Variants in UNC5C observed in about 807,000 individuals in gnomAD.
The protein encoded by UNC5C is netrin receptor UNC5C.
Under a neutral mutation model 99.8 loss-of-function variants are expected in UNC5C, and 47 were observed. The observed-to-expected ratio is 0.47, with a 90% CI of 0.37 to 0.60. The LOEUF is 0.60. UNC5C is among the 20% of genes least tolerant of loss of function. UNC5C has a pLI of 0.00. For synonymous variants in UNC5C, 487 were observed against 452.2 expected, an observed-to-expected ratio of 1.08 and a Z score of -0.98; for missense variants, 1,062 against 1,165.9, an observed-to-expected ratio of 0.91 and a Z score of 1.30.
chr4:95,484,441 C>T (rs187129658), intron 1 of UNC5C, among the ~76,000 whole-genome samples: 138 of 151,628 alleles, frequency 9.1e-4, no homozygotes, highest in African/African-American at 2.2e-3. Flanking sequence ...GGTATGCTTC[C>T]CAACCACTGT....
Position 95,374,332 on chromosome 4 carries a change from A to G in UNC5C, c.125-38701T>C, listed in dbSNP as rs1744832334. On this transcript the variant is annotated intron_variant, in intron 1 of 15. Transcript: ENST00000453304. Reference sequence around the variant, plus strand: ...TGACAAATATATCTTCTAGAGATATATTATAAAGCTAAGTTCCAAATTATC... The same window carrying G: ...TGACAAATATATCTTCTAGAGATATGTTATAAAGCTAAGTTCCAAATTATC... 2.0e-5 allele frequency among the ~76,000 whole-genome samples: 3 copies of G among 152,166 alleles called. No homozygotes were observed. The South Asian group carries it at 6.2e-4, about 32-fold the overall frequency.
intron 1 of UNC5C, among the ~76,000 whole-genome samples, chr4:95,422,301 A>T (rs1746342361): frequency 6.6e-6 from 1 of 152,344 alleles, no homozygotes; most frequent in East Asian, 1.9e-4. Flanking sequence ...GAAGGAAAAG[A>T]GTAGGCTGTA....
intron 2 of UNC5C, among the ~76,000 whole-genome samples, chr4:95,308,650 G>A (rs984125189): frequency 1.1e-4 from 16 of 150,620 alleles, no homozygotes; most frequent in Non-Finnish European, 1.9e-4. Context: ...CTGCTTGGGA[G>A]GCTGAGGCAG....
intron 1 of UNC5C, among the ~76,000 whole-genome samples, chr4:95,400,163 A>G (rs1310554892): frequency 6.6e-6 from 1 of 152,156 alleles, no homozygotes; most frequent in Non-Finnish European, 1.5e-5. Context: ...TGCGTGCAGA[A>G]GGAGCCTGTG....
At chr4:95,351,925 T>G (rs1013297991) in intron 1 of UNC5C, among the ~76,000 whole-genome samples, 3 of 152,088 alleles carry the variant, frequency 2.0e-5, no homozygotes, top group Admixed American at 6.6e-5. Context: ...GCAAACTTCC[T>G]CCTCTTTGGG....
chr4:95,479,093 A>G (rs1578185598), intron 1 of UNC5C, among the ~76,000 whole-genome samples: 1 of 151,918 alleles, frequency 6.6e-6, no homozygotes, highest in African/African-American at 2.4e-5. Flanking sequence ...CTTATAAATT[A>G]CCCAGCCTCA....
intron 1 of UNC5C, among the ~76,000 whole-genome samples, chr4:95,351,386 C>T (rs554368052): frequency 6.6e-6 from 1 of 150,744 alleles, no homozygotes; most frequent in African/African-American, 2.4e-5. Context: ...TAAGATAAGA[C>T]AGAAGTTTAT....
At chr4:95,392,251 T>C (rs1745383534) in intron 1 of UNC5C, among the ~76,000 whole-genome samples, 1 of 152,144 alleles carries the variant, frequency 6.6e-6, no homozygotes, top group South Asian at 2.1e-4. Context: ...TGAGTAATTA[T>C]ATAGTTATTT....
At chr4:95,453,917 G>A (rs1747356332) in intron 1 of UNC5C, among the ~76,000 whole-genome samples, 1 of 152,042 alleles carries the variant, frequency 6.6e-6, no homozygotes. Flanking sequence ...TTTGTAATTT[G>A]TACATATTTA....
At chr4:95,507,857 T>C (rs1339972830) in intron 1 of UNC5C, among the ~76,000 whole-genome samples, 1 of 152,064 alleles carries the variant, frequency 6.6e-6, no homozygotes, top group Non-Finnish European at 1.5e-5. Flanking sequence ...TTGTTGTTAA[T>C]GCTACCATCA....
At chr4:95,280,849 C>T (rs1741030807) in intron 3 of UNC5C, among the ~76,000 whole-genome samples, 1 of 152,036 alleles carries the variant, frequency 6.6e-6, no homozygotes, top group African/African-American at 2.4e-5. Flanking sequence ...GCCTTAGAAC[C>T]TGCTGATACG....
chr4:95,347,200 T>A (rs997849155), intron 1 of UNC5C, among the ~76,000 whole-genome samples: 1 of 151,662 alleles, frequency 6.6e-6, no homozygotes, highest in Non-Finnish European at 1.5e-5. Context: ...TAGGCATTAA[T>A]TAAAGAAGTG....
chr4:95,307,318 G>T (rs1279178777), intron 2 of UNC5C, among the ~76,000 whole-genome samples: 1 of 151,974 alleles, frequency 6.6e-6, no homozygotes, highest in Non-Finnish European at 1.5e-5. Flanking sequence ...TATGCAAGTG[G>T]GAATTGCAAC....
rs116629607 is a variant in UNC5C, at chr4:95,548,970, T to C, written c.-113A>G. On this transcript the variant is annotated 5_prime_UTR_variant, in exon 1 of 16. Coordinates refer to ENST00000453304, the MANE Select transcript of UNC5C (RefSeq NM_003728.4). ...TGCACCGCGAAGCAGTCCGAAGAAATAACGACAACCAAGCGCCACACTCCA... is the reference window on the plus strand; with the variant it reads ...TGCACCGCGAAGCAGTCCGAAGAAACAACGACAACCAAGCGCCACACTCCA... 49,425 of 1,394,516 alleles carry C rather than the reference T, an allele frequency of 0.035. 1,038 individuals carry two copies. The highest frequency in any genetic ancestry group is 0.046 in the Middle Eastern group (170 of 3,716). 86.4% of individuals were successfully genotyped at this position (1,394,516 alleles called of 1,614,324 possible).
At chr4:95,237,793 A>G (rs1263960663) in intron 7 of UNC5C, among the ~76,000 whole-genome samples, 22 of 152,186 alleles carry the variant, frequency 1.4e-4, no homozygotes, top group Non-Finnish European at 1.5e-4. Flanking sequence ...CACGCCTGTA[A>G]TCCTGCTTTG....
intron 7 of UNC5C, among the ~76,000 whole-genome samples, chr4:95,226,344 AG>A (rs1373313223): frequency 1.3e-5 from 2 of 152,180 alleles, no homozygotes; most frequent in African/African-American, 4.8e-5. Context: ...AATCTGTGTA[AG>A]GGGATATGAA....
chr4:95,344,812 T>C (rs1322966398), intron 1 of UNC5C, among the ~76,000 whole-genome samples: 1 of 151,920 alleles, frequency 6.6e-6, no homozygotes, highest in Non-Finnish European at 1.5e-5. Context: ...TTTACAAGCC[T>C]CATGATAACC....
At chr4:95,213,392 C>T (rs895241565) in intron 10 of UNC5C, among the ~76,000 whole-genome samples, 4 of 152,176 alleles carry the variant, frequency 2.6e-5, no homozygotes, top group Admixed American at 6.5e-5. Flanking sequence ...AAGGCGTCGC[C>T]GCCTTTCCAG....
At chr4:95,522,693 CA>C (rs1722390791) in intron 1 of UNC5C, among the ~76,000 whole-genome samples, 1 of 152,136 alleles carries the variant, frequency 6.6e-6, no homozygotes, top group African/African-American at 2.4e-5. Flanking sequence ...ACCTTCAATA[CA>C]AAGGGCTTTA....
Sources: allele counts gnomAD v4.1 joint callset (sites outside exome capture counted in the v4.1 genomes callset), GRCh38; gene constraint gnomAD v4.1.1; transcripts MANE v1.5; gene names NCBI Gene and HGNC (gene_info 2026-07-23, HGNC 2026-07-21).